The following ZNF419 variants were observed in gnomAD, a reference collection of about 807,000 sequenced individuals.
ZNF419 encodes zinc finger protein 419A.
A neutral mutation model predicts 14.9 loss-of-function variants in ZNF419; 8 were observed. That is an observed-to-expected ratio of 0.54 (90% CI 0.32 to 0.97). The LOEUF is 0.97. Ranked by LOEUF, ZNF419 falls within the 50% of genes least tolerant of loss-of-function variation. The pLI, the probability that ZNF419 is intolerant of heterozygous loss-of-function variation, is 0.04. For missense variants in ZNF419, 595 were observed against 607.2 expected (o/e 0.98, Z 0.21); for synonymous variants, 211 against 205.3 (o/e 1.03, Z -0.24).
chr19:57,488,180 G>A, intron 1 of ZNF419, 197 bp downstream of exon 1: 2 of 785,458 alleles, frequency 2.5e-6, no homozygotes, highest in Non-Finnish European at 4.0e-6. Context: ...TCCCGAACCT[G>A]AGGCCTCCTG....
At position 57,491,634 on chromosome 19, in the gene ZNF419, G is replaced by A. The variant is rs547962908; in HGVS notation, c.199+37G>A. On this transcript the variant is annotated intron_variant, in intron 3 of 4. Coordinates refer to ENST00000221735, the MANE Select transcript of ZNF419 (RefSeq NM_024691.4). ...ACACCCCACCCCAGCATCCTGAGCT[G>A]GGCTCGGCTTTTCCTCCTTTTCCTA... The A allele has an allele frequency of 3.3e-5, 53 of 1,614,080 alleles. No individual in the cohort carries two copies. In the South Asian group the frequency reaches 5.2e-4, roughly 16 times the overall value.
Position 57,490,140 on chromosome 19 carries a change from T to C in ZNF419, c.34-7T>C. The C allele has an allele frequency of 1.2e-6, 2 of 1,613,372 alleles. No homozygotes were observed. Among genetic ancestry groups the C allele is most frequent in the Non-Finnish European group, 1.7e-6 (2 of 1,179,672 alleles). ...TGTCTGGTTCTCATAGTCTTGATTT[T>C]CCATAGGTTCCTGTGGCTGCAGACT... On this transcript the variant is annotated splice_region_variant and splice_polypyrimidine_tract_variant and intron_variant, in intron 1 of 4. Coordinates refer to ENST00000221735, the MANE Select transcript of ZNF419 (RefSeq NM_024691.4).
At position 57,493,681 on chromosome 19, in the gene ZNF419, A is replaced by G; in HGVS notation, c.1124A>G (p.Asp375Gly). Residue 375 changes from aspartate to glycine, a missense_variant, in exon 5 of 5, where the codon GAC (aspartate) becomes GGC (glycine). Asp to Gly is a moderately conservative substitution (Grantham distance 94). Coordinates refer to ENST00000221735, the MANE Select transcript of ZNF419 (RefSeq NM_024691.4). ...HTGERPYKCS[D>G]CGKFFTQCSS... is the part of the protein sequence containing the mutation. ...GGAGAAAGGCCTTACAAGTGCAGCG[A>G]CTGTGGGAAATTTTTTACCCAATGC... The G allele has an allele frequency of 6.2e-7, 1 of 1,614,108 alleles. No homozygotes were observed. The highest frequency in any genetic ancestry group is 8.5e-7 in the Non-Finnish European group (1 of 1,179,956).
rs1449882014 is a variant in ZNF419, at chr19:57,494,437, GGCAAGATGA to G, written c.*349_*357del. 1.7e-5 allele frequency: 4 copies of G among 232,536 alleles called. No homozygotes were observed. Among genetic ancestry groups the G allele is most frequent in the Non-Finnish European group, 3.2e-5 (4 of 123,746 alleles). The allele number at this position is 232,536 out of a possible 1,614,324, so 14.4% of individuals were successfully genotyped here. On this transcript the variant is annotated 3_prime_UTR_variant, in exon 5 of 5. Coordinates refer to ENST00000221735, the MANE Select transcript of ZNF419 (RefSeq NM_024691.4). ...CATTCATCTAAATATGCACACTGGAGGCAAGATGAGAATTCCTGACAGATTGTCCTTCCT... is the reference window on the plus strand; with the variant it reads ...CATTCATCTAAATATGCACACTGGAGGAATTCCTGACAGATTGTCCTTCCT...
Position 57,493,943 on chromosome 19 carries a change from A to G in ZNF419, c.1386A>G (p.Arg462=). 1.9e-6 allele frequency: 3 copies of G among 1,614,024 alleles called. No individual in the cohort carries two copies. The highest frequency in any genetic ancestry group is 2.5e-6 in the Non-Finnish European group (3 of 1,180,016). Residue 462 remains arginine, a synonymous_variant, in exon 5 of 5, where the codon AGA becomes AGG. Transcript: ENST00000221735. ...CTTTTAAGTGCAATGAATGTGGGAGATTGTTTAGAGAGAATTCCAGCCTTG... is the reference window on the plus strand; with the variant it reads ...CTTTTAAGTGCAATGAATGTGGGAGGTTGTTTAGAGAGAATTCCAGCCTTG... ...EKPFKCNECG[R]LFRENSSLVK...
Position 57,491,475 on chromosome 19 carries a change from A to G in ZNF419, c.77A>G (p.Tyr26Cys). The G allele has an allele frequency of 1.9e-6, 3 of 1,614,124 alleles. No homozygotes were observed. Among genetic ancestry groups the G allele is most frequent in the African/African-American group, 1.3e-5 (1 of 75,028 alleles). The change falls in exon 3 of 5, where the codon TAT becomes TGT. Residue 26 changes from tyrosine to cysteine, a missense_variant. Physicochemically the swap from Tyr to Cys is radical, Grantham distance 194 (BLOSUM62 -2). Coordinates refer to ENST00000221735, the MANE Select transcript of ZNF419 (RefSeq NM_024691.4). ...CTACTCTGTCCATCTTAGCAGGGCT[A>G]TGTGACCTTTGAGGATGTGGCTGTC... ...ADLLTDHEEGYVTFEDVAVYF... is the reference protein window; with the variant it reads ...ADLLTDHEEGCVTFEDVAVYF...
chr19:57,487,820 G>A lies in ZNF419; in HGVS notation c.-131G>A, dbSNP rs1159516301. 9.5e-6 allele frequency: 13 copies of A among 1,366,718 alleles called. No homozygotes were observed. The highest frequency in any genetic ancestry group is 1.3e-5 in the Non-Finnish European group (13 of 965,950). The allele number at this position is 1,366,718 out of a possible 1,614,324, so 84.7% of individuals were successfully genotyped here. On this transcript the variant is annotated 5_prime_UTR_variant, in exon 1 of 5. Transcript: ENST00000221735. ...GTTGTGCGCTGAGGCGACCAGCGCC[G>A]GAAGGCACGGTGGCGACTCACGCTG...
Position 57,494,260 on chromosome 19 carries a change from A to T in ZNF419, c.*170A>T, listed in dbSNP as rs2089579102. The T allele has an allele frequency of 9.3e-7, 1 of 1,078,256 alleles. No individual in the cohort carries two copies. Among genetic ancestry groups the T allele is most frequent in the Non-Finnish European group, 1.3e-6 (1 of 774,228 alleles). 66.8% of individuals were successfully genotyped at this position (1,078,256 alleles called of 1,614,324 possible). On this transcript the variant is annotated 3_prime_UTR_variant, in exon 5 of 5. Coordinates refer to ENST00000221735, the MANE Select transcript of ZNF419 (RefSeq NM_024691.4). ...TGTAGTGAATATGGAAAAAGGTTTCAGCCAAAGGCCTAACCCTATTCAACA... is the reference window on the plus strand; with the variant it reads ...TGTAGTGAATATGGAAAAAGGTTTCTGCCAAAGGCCTAACCCTATTCAACA...
intron 4 of ZNF419, chr19:57,492,594 A>G (rs2089514556): frequency 1.3e-5 from 10 of 750,242 alleles, no homozygotes; most frequent in South Asian, 1.2e-4. Flanking sequence ...CCATTTGCAG[A>G]GGATTGTGTT....
Position 57,487,834 on chromosome 19 carries a change from C to T in ZNF419, c.-117C>T, listed in dbSNP as rs1377166771. 3 of 1,473,718 alleles carry T rather than the reference C, an allele frequency of 2.0e-6. No homozygotes were observed. In the African/African-American group the frequency reaches 4.2e-5, roughly 21 times the overall value. The allele number at this position is 1,473,718 out of a possible 1,614,324, so 91.3% of individuals were successfully genotyped here. A position where few individuals can be genotyped will look rare whatever the true frequency, so the allele number is the denominator to read the frequency against. On this transcript the variant is annotated 5_prime_UTR_variant, in exon 1 of 5. Coordinates refer to ENST00000221735, the MANE Select transcript of ZNF419 (RefSeq NM_024691.4). Reference sequence around the variant, plus strand: ...CGACCAGCGCCGGAAGGCACGGTGGCGACTCACGCTGTTCTCGCCGCTCAG... The same window carrying T: ...CGACCAGCGCCGGAAGGCACGGTGGTGACTCACGCTGTTCTCGCCGCTCAG...
In ZNF419 at chr19:57,495,725, C is replaced by CAAAAAAAAAAAAAAAAAA. The variant is rs532907966; in HGVS notation, c.*1662_*1679dup. 1 of 49,190 alleles carries CAAAAAAAAAAAAAAAAAA rather than the reference C, an allele frequency of 2.0e-5. No individual in the cohort carries two copies. Among genetic ancestry groups the CAAAAAAAAAAAAAAAAAA allele is most frequent in the African/African-American group, 8.6e-5 (1 of 11,566 alleles). The allele number at this position is 49,190 out of a possible 1,614,324, so 3.0% of individuals were successfully genotyped here. ...TGGGGCACAAAGCCAGACTCTGTCT[C>CAAAAAAAAAAAAAAAAAA]AAAAAAAAAAAAAAAAAAAAAAAAA... On this transcript the variant is annotated 3_prime_UTR_variant, in exon 5 of 5. Coordinates refer to ENST00000221735, the MANE Select transcript of ZNF419 (RefSeq NM_024691.4).
Position 57,493,044 on chromosome 19 carries a change from G to C in ZNF419, c.487G>C (p.Glu163Gln), listed in dbSNP as rs1568570858. The change falls in exon 5 of 5, where the codon GAG becomes CAG. Residue 163 changes from glutamate (E) to glutamine (Q), a missense_variant. Coordinates refer to ENST00000221735, the MANE Select transcript of ZNF419 (RefSeq NM_024691.4). The part of the protein sequence containing the change: ...HLSEKSLQSR[E>Q]VGKALLISSG... ...ATCAGAGAAGTCCTTGCAAAGCAGG[G>C]AGGTTGGGAAGGCCCTCCTGATCAG... 1 of 1,614,138 alleles carries C rather than the reference G, an allele frequency of 6.2e-7. No homozygotes were observed. Among genetic ancestry groups the C allele is most frequent in the South Asian group, 1.1e-5 (1 of 91,078 alleles).
In ZNF419 at chr19:57,494,625, T is replaced by C. The variant is rs1310148011; in HGVS notation, c.*535T>C. The C allele has an allele frequency of 1.8e-5, 3 of 162,564 alleles. No homozygotes were observed. Among genetic ancestry groups the C allele is most frequent in the African/African-American group, 7.2e-5 (3 of 41,808 alleles). The allele number at this position is 162,564 out of a possible 1,614,324, so 10.1% of individuals were successfully genotyped here. A position where few individuals can be genotyped will look rare whatever the true frequency, so the allele number is the denominator to read the frequency against. ...ATGTGACTCACTTTTGCTGTTCTTG[T>C]GAATGTTAGATCTTCTTTAATAAAT... On this transcript the variant is annotated 3_prime_UTR_variant, in exon 5 of 5. Transcript: ENST00000221735.
At chr19:57,489,078 A>G (rs1025622335) in intron 1 of ZNF419, 1 of 152,316 alleles carries the variant, frequency 6.6e-6, no homozygotes, top group African/African-American at 2.4e-5. Flanking sequence ...CTGCTGGAGC[A>G]GCCCCTTTGG....
chr19:57,493,337 G>GT lies in ZNF419; in HGVS notation c.781dup (p.Cys261LeufsTer2), dbSNP rs2089542605. 4 of 1,614,174 alleles carry GT rather than the reference G, an allele frequency of 2.5e-6. No individual in the cohort carries two copies. Among genetic ancestry groups the GT allele is most frequent in the Non-Finnish European group, 3.4e-6 (4 of 1,180,030 alleles). ...TTCACACTGGAGAAAGGCCTTACGGGTGTAGTAACTGTGGAAAATCCTTTA... is the reference window on the plus strand; with the variant it reads ...TTCACACTGGAGAAAGGCCTTACGGGTTGTAGTAACTGTGGAAAATCCTTTA... On this transcript the variant is annotated frameshift_variant, in exon 5 of 5. Coordinates refer to ENST00000221735, the MANE Select transcript of ZNF419 (RefSeq NM_024691.4). LOFTEE classifies it low-confidence loss of function (END_TRUNC).
intron 1 of ZNF419, chr19:57,488,357 G>T: frequency 3.3e-6 from 1 of 304,494 alleles, no homozygotes; most frequent in East Asian, 6.1e-5. Context: ...AGTCAAAACA[G>T]ACTGGGGTGG....
rs992138252 is a variant in ZNF419, at chr19:57,493,001, G to A, written c.444G>A (p.Arg148=). ...AAGAGGGCAGGGTCCCAGTTTTGAG[G>A]AGTTGCAAAGTTCACCTATCAGAGA... is the stretch of plus-strand genomic sequence containing the variant. The part of the protein sequence containing the change: ...KRQEGRVPVL[R]SCKVHLSEKS... The change falls in exon 5 of 5, where the codon AGG becomes AGA. Residue 148 remains arginine, a synonymous_variant. Coordinates refer to ENST00000221735, the MANE Select transcript of ZNF419 (RefSeq NM_024691.4). 17 of 1,614,036 alleles carry A rather than the reference G, an allele frequency of 1.1e-5. No individual in the cohort carries two copies. Among genetic ancestry groups the A allele is most frequent in the Non-Finnish European group, 1.4e-5 (16 of 1,180,046 alleles).
Position 57,494,538 on chromosome 19 carries a change from G to C in ZNF419, c.*448G>C. Reference sequence around the variant, plus strand: ...CCCTGTATTCTTGGCTGTACCCGTCGAATGGAGTTTTGATCTCGCTGAGTT... The same window carrying C: ...CCCTGTATTCTTGGCTGTACCCGTCCAATGGAGTTTTGATCTCGCTGAGTT... On this transcript the variant is annotated 3_prime_UTR_variant, in exon 5 of 5. Transcript: ENST00000221735. 1 of 170,500 alleles carries C rather than the reference G, an allele frequency of 5.9e-6. No individual in the cohort carries two copies. The highest frequency in any genetic ancestry group is 1.2e-5 in the Non-Finnish European group (1 of 80,722). The allele number at this position is 170,500 out of a possible 1,614,324, so 10.6% of individuals were successfully genotyped here.
chr19:57,491,603 G>T lies in ZNF419; in HGVS notation c.199+6G>T. The T allele has an allele frequency of 6.2e-7, 1 of 1,614,116 alleles. No individual in the cohort carries two copies. The highest frequency in any genetic ancestry group is 8.5e-7 in the Non-Finnish European group (1 of 1,180,014). On this transcript the variant is annotated splice_donor_region_variant and intron_variant, in intron 3 of 4. Transcript: ENST00000221735. ...TACACTTCTGGCCTCTCTGGGTAAGGTTCTCACACCCCACCCCAGCATCCT... is the reference window on the plus strand; with the variant it reads ...TACACTTCTGGCCTCTCTGGGTAAGTTTCTCACACCCCACCCCAGCATCCT...
Sources: allele counts gnomAD v4.1 joint callset, GRCh38; gene constraint gnomAD v4.1.1; transcripts MANE v1.5; gene names NCBI Gene and HGNC (gene_info 2026-07-23, HGNC 2026-07-21).